The following CCDC7 variants were observed in gnomAD, a reference collection of about 807,000 sequenced individuals.
CCDC7 encodes coiled-coil domain containing 7, also known as coiled-coil domain-containing protein 7.
CCDC7 carries 183 observed loss-of-function variants against 196.9 expected under a neutral mutation model. The ratio of observed to expected loss-of-function variants is 0.93; its 90% CI spans 0.82 to 1.05. The LOEUF (loss-of-function observed/expected upper bound fraction) is 1.05, where lower values mean the gene tolerates loss of function less well. CCDC7 is among the 50% of genes least tolerant of loss of function. The pLI, the probability that CCDC7 is intolerant of heterozygous loss-of-function variation, is 0.00. For missense variants in CCDC7, 1,540 were observed against 1,482.2 expected, an observed-to-expected ratio of 1.04 and a Z score of -0.64; for synonymous variants, 525 against 484.6, an observed-to-expected ratio of 1.08 and a Z score of -1.10.
intron 21 of CCDC7, among the ~76,000 whole-genome samples, chr10:32,673,146 G>A (rs758402177): frequency 3.3e-5 from 5 of 152,058 alleles, no homozygotes; most frequent in African/African-American, 1.2e-4. Context: ...TTACATTGGT[G>A]TATATGTCTT....
chr10:32,640,870 T>TGTC (rs1554940366), intron 20 of CCDC7, among the ~76,000 whole-genome samples: 11 of 76,574 alleles, frequency 1.4e-4, no homozygotes. Context: ...TTTTCTTTTT[T>TGTC]TTTTTCTTTT....
At chr10:32,872,424 A>T (rs1200620471) in intron 41 of CCDC7, among the ~76,000 whole-genome samples, 1 of 151,536 alleles carries the variant, frequency 6.6e-6, no homozygotes. Context: ...TTTTGAGCCT[A>T]TGTGTGTCTC....
chr10:32,569,513 G>A (rs746655792), intron 15 of CCDC7, among the ~76,000 whole-genome samples: 4 of 151,902 alleles, frequency 2.6e-5, no homozygotes, highest in African/African-American at 4.8e-5. Context: ...TGCAACCTCC[G>A]CCTCCTGGAT....
intron 13 of CCDC7, among the ~76,000 whole-genome samples, chr10:32,551,578 A>C (rs951632567): frequency 5.3e-5 from 8 of 152,066 alleles, no homozygotes; most frequent in Non-Finnish European, 7.4e-5. Flanking sequence ...TGTATCCCAC[A>C]GGTTTTGGTA....
chr10:32,665,432 A>C (rs1455940208), intron 21 of CCDC7, among the ~76,000 whole-genome samples: 1 of 152,010 alleles, frequency 6.6e-6, no homozygotes, highest in East Asian at 1.9e-4. Context: ...TAGCAATTCT[A>C]GTTTCAGATC....
intron 23 of CCDC7, among the ~76,000 whole-genome samples, chr10:32,694,412 A>G (rs2077446499): frequency 6.6e-6 from 1 of 152,214 alleles, no homozygotes; most frequent in African/African-American, 2.4e-5. Context: ...GGGTTTCATT[A>G]TGTGTCATTT....
intron 9 of CCDC7, among the ~76,000 whole-genome samples, chr10:32,500,026 C>G (rs2043640380): frequency 6.6e-6 from 1 of 152,224 alleles, no homozygotes. Context: ...CAGTAACAAT[C>G]TGATCTCTCT....
In CCDC7 at chr10:32,700,431, A is replaced by G. The variant is rs576212889; in HGVS notation, c.2458+5439A>G. 1.2e-3 allele frequency among the ~76,000 whole-genome samples: 181 copies of G among 150,880 alleles called. 2 individuals carry two copies. The South Asian group carries it at 0.019, about 16-fold the overall frequency. On this transcript the variant is annotated intron_variant, in intron 24 of 41. Transcript: ENST00000639629. ...TGGTCTATATCTCTGTTTTGGTACC[A>G]GTACTATGCTCTTTTGGTTACTGCA...
intron 33 of CCDC7, among the ~76,000 whole-genome samples, chr10:32,840,503 G>A (rs1239204338): frequency 1.3e-5 from 2 of 151,846 alleles, no homozygotes; most frequent in African/African-American, 2.4e-5. Context: ...GATTGAAATG[G>A]TAATTTAAAA....
chr10:32,546,021 A>G (rs2052403154), intron 13 of CCDC7, among the ~76,000 whole-genome samples: 1 of 152,032 alleles, frequency 6.6e-6, no homozygotes, highest in South Asian at 2.1e-4. Flanking sequence ...GGAGGGAGAG[A>G]AGGAGAGACC....
At chr10:32,726,317 T>C (rs1204293097) in intron 25 of CCDC7, among the ~76,000 whole-genome samples, 1 of 151,938 alleles carries the variant, frequency 6.6e-6, no homozygotes, top group Non-Finnish European at 1.5e-5. Flanking sequence ...ATTTATAGTA[T>C]ATATCTTTGT....
At chr10:32,566,640 A>AGCGG in intron 14 of CCDC7, among the ~76,000 whole-genome samples, 1 of 152,000 alleles carries the variant, frequency 6.6e-6, no homozygotes, top group East Asian at 1.9e-4. Flanking sequence ...GCTGGGCATC[A>AGCGG]TGGTTCATGC....
chr10:32,686,975 A>G (rs1219980706), intron 22 of CCDC7, among the ~76,000 whole-genome samples: 14 of 152,338 alleles, frequency 9.2e-5, no homozygotes, highest in Non-Finnish European at 1.6e-4. Context: ...CCTGTTCCAT[A>G]TAAGACAAAC....
downstream of CCDC7, among the ~76,000 whole-genome samples, chr10:32,880,620 G>A (rs1171244293): frequency 1.3e-5 from 2 of 152,142 alleles, no homozygotes; most frequent in East Asian, 1.9e-4. Flanking sequence ...CTTTGCCCAT[G>A]CCTATATCCT....
intron 16 of CCDC7, among the ~76,000 whole-genome samples, chr10:32,573,812 G>A (rs1409375976): frequency 1.3e-5 from 2 of 152,106 alleles, no homozygotes; most frequent in Non-Finnish European, 2.9e-5. Context: ...GCTCTAATGA[G>A]GAAACACTGA....
At chr10:32,769,635 C>G (rs984700981) in intron 28 of CCDC7, among the ~76,000 whole-genome samples, 1 of 151,922 alleles carries the variant, frequency 6.6e-6, no homozygotes, top group Non-Finnish European at 1.5e-5. Flanking sequence ...TCCCCAAGCC[C>G]CCCACCCCTC....
chr10:32,597,822 G>T (rs948355351), intron 18 of CCDC7, among the ~76,000 whole-genome samples: 2 of 152,044 alleles, frequency 1.3e-5, no homozygotes, highest in South Asian at 4.1e-4. Context: ...TCCAGCGGAG[G>T]CTGCAGAACA....
intron 32 of CCDC7, among the ~76,000 whole-genome samples, chr10:32,824,873 T>G (rs2090881481): frequency 6.6e-6 from 1 of 152,240 alleles, no homozygotes; most frequent in African/African-American, 2.4e-5. Context: ...GCTGTTCAAT[T>G]TGCTATTTAT....
intron 18 of CCDC7, among the ~76,000 whole-genome samples, chr10:32,597,923 G>A (rs529492993): frequency 1.4e-4 from 22 of 152,286 alleles, no homozygotes; most frequent in African/African-American, 4.6e-4. Context: ...CTACTGGGAG[G>A]TGCCTCCCAA....
Sources: allele counts gnomAD v4.1 joint callset (sites outside exome capture counted in the v4.1 genomes callset), GRCh38; gene constraint gnomAD v4.1.1; transcripts MANE v1.5; gene names NCBI Gene and HGNC (gene_info 2026-07-23, HGNC 2026-07-21).